The following TBC1D21 variants were observed in gnomAD, a reference collection of about 807,000 sequenced individuals.
TBC1D21 encodes male germ cell Rab GTPase-activating protein.
In TBC1D21, 38 loss-of-function variants were observed where a neutral mutation model predicts 46.0. That is an observed-to-expected ratio of 0.83 (90% CI 0.64 to 1.08). The LOEUF is 1.08. TBC1D21 is among the 50% of genes least tolerant of loss of function. The probability of loss-of-function intolerance (pLI) is 0.00; values close to 1 mark genes in which losing one functional copy is unlikely to be tolerated. For missense variants in TBC1D21, 415 were observed against 417.9 expected, an observed-to-expected ratio of 0.99 and a Z score of 0.06; for synonymous variants, 151 against 157.2, an observed-to-expected ratio of 0.96 and a Z score of 0.29.
chr15:73,886,297 T>C (rs2068245189), intron 7 of TBC1D21, 123 bp downstream of exon 7: 1 of 958,128 alleles, frequency 1.0e-6, no homozygotes, highest in Admixed American at 2.1e-5. Flanking sequence ...TGATTGCTTC[T>C]CCAGGCCCTG....
the TBC1D21 span, among the ~76,000 whole-genome samples, chr15:73,894,738 C>T: frequency 1.3e-5 from 2 of 152,162 alleles, no homozygotes; most frequent in Non-Finnish European, 2.9e-5. Context: ...CTTTCCTATC[C>T]CTGCCCCTGC....
intron 1 of TBC1D21, among the ~76,000 whole-genome samples, chr15:73,875,517 G>A (rs955963849): frequency 2.6e-5 from 4 of 152,174 alleles, no homozygotes; most frequent in African/African-American, 9.7e-5. Flanking sequence ...ATGATGCAGT[G>A]GGGAGAGGAG....
chr15:73,886,003 G>C, intron 6 of TBC1D21, 75 bp from the exon 7 acceptor site: 1 of 1,262,110 alleles, frequency 7.9e-7, no homozygotes, highest in African/African-American at 1.5e-5. Flanking sequence ...AAGTGAAGCT[G>C]GGGGAAGCAG....
chr15:73,888,096 C>A (rs540126769), intron 9 of TBC1D21, among the ~76,000 whole-genome samples: 1 of 152,124 alleles, frequency 6.6e-6, no homozygotes, highest in African/African-American at 2.4e-5. Context: ...AGTTTTCCAC[C>A]ATTTTAAAAA....
At chr15:73,875,327 AGGG>A (rs1567061751) in intron 1 of TBC1D21, among the ~76,000 whole-genome samples, 11 of 79,930 alleles carry the variant, frequency 1.4e-4, no homozygotes, top group Admixed American at 8.2e-4. Context: ...GAAGGAAGGG[AGGG>A]AGGGAGGGAG....
At chr15:73,886,288 G>C (rs563502705) in intron 7 of TBC1D21, 114 bp downstream of exon 7, 21 of 1,003,942 alleles carry the variant, frequency 2.1e-5, no homozygotes, top group Non-Finnish European at 3.0e-5. Context: ...AGAATCATTT[G>C]ATTGCTTCTC....
rs983236929 is a variant in TBC1D21 at position 73,873,640 on chromosome 15, A to G, written c.-70A>G. ...CTCCTGGGAATGCAACCCATCTCCG[A>G]AAAGGATTAAGCATCACTAGGGCTC... On this transcript the variant is annotated 5_prime_UTR_variant, in exon 1 of 11. Transcript: ENST00000300504. The G allele has an allele frequency of 2.6e-6, 4 of 1,533,240 alleles. No individual in the cohort carries two copies. In the South Asian group the frequency reaches 4.8e-5, roughly 18 times the overall value. The allele number at this position is 1,533,240 out of a possible 1,614,324, so 95.0% of individuals were successfully genotyped here.
chr15:73,877,113 A>T (rs2068081630), intron 1 of TBC1D21, among the ~76,000 whole-genome samples: 2 of 152,250 alleles, frequency 1.3e-5, no homozygotes, highest in African/African-American at 4.8e-5. Flanking sequence ...AAATGGGTTG[A>T]TATATGTAAA....
At chr15:73,886,633 T>A in intron 8 of TBC1D21, 21 bp downstream of exon 8, 1 of 1,605,802 alleles carries the variant, frequency 6.2e-7, no homozygotes, top group Non-Finnish European at 8.5e-7. Flanking sequence ...CAGCTAGGGA[T>A]CATCAGGCTG....
chr15:73,902,740 T>C, the TBC1D21 span, among the ~76,000 whole-genome samples: 1 of 152,206 alleles, frequency 6.6e-6, no homozygotes, highest in African/African-American at 2.4e-5. Flanking sequence ...CTTCTCTGCT[T>C]CCAATCAATC....
the TBC1D21 span, among the ~76,000 whole-genome samples, chr15:73,897,225 G>A: frequency 9.2e-5 from 14 of 152,168 alleles, no homozygotes; most frequent in Non-Finnish European, 2.1e-4. Context: ...CTCTGGAATC[G>A]GGCCCCAGGT....
downstream of TBC1D21, among the ~76,000 whole-genome samples, chr15:73,893,669 C>G (rs573967976): frequency 3.0e-4 from 46 of 152,302 alleles, no homozygotes; most frequent in African/African-American, 1.1e-3. Context: ...TGTGTTACCC[C>G]CCTCAGAGAG....
chr15:73,889,311 G>A (rs2068316765), downstream of TBC1D21: 1 of 573,522 alleles, frequency 1.7e-6, no homozygotes, highest in African/African-American at 1.9e-5. Flanking sequence ...CTGGCTGGCT[G>A]AGAGACACAT....
chr15:73,886,242 T>A (rs2068244119), intron 7 of TBC1D21, 68 bp downstream of exon 7: 4 of 1,386,220 alleles, frequency 2.9e-6, no homozygotes, highest in Non-Finnish European at 4.1e-6. Context: ...GGGACCCAAC[T>A]GTCAGTCCCT....
chr15:73,888,395 G>C (rs371970070), intron 9 of TBC1D21, 35 bp from the exon 10 acceptor site: 1 of 1,589,724 alleles, frequency 6.3e-7, no homozygotes, highest in African/African-American at 1.3e-5. Flanking sequence ...GTTTGCCCCA[G>C]CCCCACCCAC....
chr15:73,889,287 G>T (rs745881462), downstream of TBC1D21: 212 of 646,664 alleles, frequency 3.3e-4, no homozygotes, highest in Non-Finnish European at 4.4e-4. Flanking sequence ...AGGGTCGTAC[G>T]ATAGGAAGAG....
At chr15:73,903,099 C>T in the TBC1D21 span, among the ~76,000 whole-genome samples, 1 of 152,210 alleles carries the variant, frequency 6.6e-6, no homozygotes, top group South Asian at 2.1e-4. Context: ...GTGTCCTTCT[C>T]TCTTATTCTC....
At chr15:73,892,554 T>A (rs1168026901), downstream of TBC1D21, among the ~76,000 whole-genome samples, 1 of 152,228 alleles carries the variant, frequency 6.6e-6, no homozygotes, top group Non-Finnish European at 1.5e-5. Context: ...GTGGTACTCC[T>A]GGTCCAGCTG....
At chr15:73,893,763 C>A (rs578060835), downstream of TBC1D21, among the ~76,000 whole-genome samples, 2 of 152,220 alleles carry the variant, frequency 1.3e-5, no homozygotes, top group African/African-American at 4.8e-5. Flanking sequence ...GACCTTTGGT[C>A]AGTGGGGAGG....
Sources: allele counts gnomAD v4.1 joint callset (sites outside exome capture counted in the v4.1 genomes callset), GRCh38; gene constraint gnomAD v4.1.1; transcripts MANE v1.5; gene names NCBI Gene and HGNC (gene_info 2026-07-23, HGNC 2026-07-21).